Variants in ASH1L observed in about 807,000 individuals in gnomAD.
ASH1L encodes histone-lysine N-methyltransferase ASH1L.
A neutral mutation model predicts 269.0 loss-of-function variants in ASH1L; 23 were observed. The ratio of observed to expected loss-of-function variants is 0.09; its 90% CI spans 0.06 to 0.12. ASH1L has a LOEUF of 0.12. Ranked by LOEUF, ASH1L falls within the 10% of genes least tolerant of loss-of-function variation. The probability of loss-of-function intolerance (pLI) is 1.00; values close to 1 mark genes in which losing one functional copy is unlikely to be tolerated. For synonymous variants in ASH1L, 1,187 were observed against 1,253.5 expected, an observed-to-expected ratio of 0.95 and a Z score of 1.12; for missense variants, 2,912 against 3,567.8, an observed-to-expected ratio of 0.82 and a Z score of 4.68.
chr1:155,514,409 A>C (rs987141238), intron 2 of ASH1L, among the ~76,000 whole-genome samples: 1 of 152,244 alleles, frequency 6.6e-6, no homozygotes, highest in Admixed American at 6.5e-5. Flanking sequence ...ACTGGTGTAA[A>C]AGTAACTACA....
intron 4 of ASH1L, among the ~76,000 whole-genome samples, chr1:155,456,772 G>C (rs544548724): frequency 1.3e-5 from 2 of 152,224 alleles, no homozygotes; most frequent in Admixed American, 6.5e-5. Flanking sequence ...TATCTACTCT[G>C]TCTGCATGCA....
intron 6 of ASH1L, among the ~76,000 whole-genome samples, chr1:155,410,806 A>G (rs1167396925): frequency 6.8e-6 from 1 of 148,106 alleles, no homozygotes; most frequent in Non-Finnish European, 1.5e-5. Context: ...AGGTCTTGCT[A>G]TGTTGCCCAG....
chr1:155,494,004 A>C (rs754079970), intron 2 of ASH1L, among the ~76,000 whole-genome samples: 7 of 152,228 alleles, frequency 4.6e-5, no homozygotes, highest in Non-Finnish European at 8.8e-5. Context: ...GTAATGCATG[A>C]GCAAAGTAGA....
intron 5 of ASH1L, among the ~76,000 whole-genome samples, chr1:155,418,772 C>T (rs1360847019): frequency 2.6e-5 from 4 of 152,000 alleles, no homozygotes; most frequent in Admixed American, 1.3e-4. Flanking sequence ...ATGAAGAAAA[C>T]AAAAGAAGCT....
intron 7 of ASH1L, among the ~76,000 whole-genome samples, chr1:155,385,166 A>G (rs1657321663): frequency 6.6e-6 from 1 of 152,152 alleles, no homozygotes; most frequent in Admixed American, 6.6e-5. Flanking sequence ...ATTATTGGCC[A>G]GGTGCAGTGG....
chr1:155,555,331 T>C (rs544890384), intron 1 of ASH1L, among the ~76,000 whole-genome samples: 2 of 151,170 alleles, frequency 1.3e-5, no homozygotes, highest in South Asian at 4.2e-4. Context: ...ACCCGGTCTC[T>C]ACTAAAAACA....
chr1:155,358,696 A>T (rs1654652597), intron 13 of ASH1L: 1 of 151,804 alleles, frequency 6.6e-6, no homozygotes, highest in South Asian at 2.1e-4. Flanking sequence ...TCAAAAAAAA[A>T]TTAATAAAAA....
At position 155,420,898 on chromosome 1, in the gene ASH1L, CATGTCCATGG is replaced by C. The variant is rs1294590605; in HGVS notation, c.5829-4985_5829-4976del. On this transcript the variant is annotated intron_variant, in intron 5 of 27. Coordinates refer to ENST00000392403, the MANE Select transcript of ASH1L (RefSeq NM_018489.3). ...ACCTAAAATAAATGCAGTAACATAC[CATGTCCATGG>C]ATGTCCATGGAATTAAACACTGAAT... 1.1e-4 allele frequency among the ~76,000 whole-genome samples: 17 copies of C among 150,376 alleles called. No individual in the cohort carries two copies. In the South Asian group the frequency reaches 3.0e-3, roughly 26 times the overall value.
At chr1:155,509,112 A>G (rs1667997547) in intron 2 of ASH1L, among the ~76,000 whole-genome samples, 1 of 152,260 alleles carries the variant, frequency 6.6e-6, no homozygotes, top group Non-Finnish European at 1.5e-5. Context: ...TTAATAGGCA[A>G]AAGTACAGGG....
At chr1:155,455,246 T>A (rs1323228742) in intron 4 of ASH1L, among the ~76,000 whole-genome samples, 2 of 152,172 alleles carry the variant, frequency 1.3e-5, no homozygotes, top group African/African-American at 4.8e-5. Flanking sequence ...ATAGTTATCC[T>A]CATATTACAT....
chr1:155,433,357 G>A, intron 5 of ASH1L: 1 of 1,592,932 alleles, frequency 6.3e-7, no homozygotes, highest in Non-Finnish European at 8.5e-7. Context: ...AGGTGTGGGG[G>A]ATTCCCCCAT....
rs1464695755 is a variant in ASH1L at position 155,382,584 on chromosome 1, CATT to C, written c.6104-2471_6104-2469del. ...ATCCTTCAGGAGATATTCCAGAAGA[CATT>C]ATTACCATATCAGATGACAGCTCCA... On this transcript the variant is annotated intron_variant, in intron 7 of 27. Coordinates refer to ENST00000392403, the MANE Select transcript of ASH1L (RefSeq NM_018489.3). 2.0e-5 allele frequency among the ~76,000 whole-genome samples: 3 copies of C among 152,282 alleles called. No homozygotes were observed. The East Asian group carries it at 5.8e-4, about 29-fold the overall frequency.
In ASH1L at chr1:155,395,571, T is replaced by C. The variant is rs920749776; in HGVS notation, c.6009-18A>G. 1.1e-5 allele frequency: 18 copies of C among 1,591,094 alleles called. No individual in the cohort carries two copies. Among genetic ancestry groups the C allele is most frequent in the East Asian group, 2.3e-5 (1 of 44,374 alleles). On this transcript the variant is annotated intron_variant, in intron 6 of 27. Transcript: ENST00000392403. ...TCTTTGGGCTGTGATAAAAAAAGAA[T>C]GGGAAACAGTCAAGAGGCAAAGAAA... is the stretch of plus-strand genomic sequence containing the variant.
At chr1:155,443,238 T>TA (rs1662742982) in intron 4 of ASH1L, among the ~76,000 whole-genome samples, 1 of 152,208 alleles carries the variant, frequency 6.6e-6, no homozygotes, top group Admixed American at 6.5e-5. Flanking sequence ...AATATCAGTT[T>TA]AAAAGAGAAT....
intron 1 of ASH1L, among the ~76,000 whole-genome samples, chr1:155,543,992 T>C (rs1670625548): frequency 6.6e-6 from 1 of 152,116 alleles, no homozygotes. Context: ...TATTTTTTAT[T>C]TTTATTTTTT....
intron 5 of ASH1L, among the ~76,000 whole-genome samples, chr1:155,425,277 G>GT (rs550440576): frequency 0.022 from 2,883 of 129,250 alleles, 38 homozygotes; most frequent in Non-Finnish European, 0.031. Flanking sequence ...GCCCGGCCTA[G>GT]TTTTTTTTTT....
Position 155,380,108 on chromosome 1 carries a change from G to C in ASH1L, c.6112C>G (p.Leu2038Val). 6.2e-7 allele frequency: 1 copy of C among 1,611,864 alleles called. No homozygotes were observed. The highest frequency in any genetic ancestry group is 8.5e-7 in the Non-Finnish European group (1 of 1,178,372). Residue 2038 changes from leucine (L) to valine (V), a missense_variant, in exon 8 of 28, where the codon CTA becomes GTA. This residue lies in a region of ASH1L where 193 missense variants were observed against 311.6 expected (regional missense o/e 0.62). Transcript: ENST00000392403. ...TGGAAGTCAATTCTCTTTTGTCTTAGATACTTTCCTGAAACAAAAAACACT... is the reference window on the plus strand; with the variant it reads ...TGGAAGTCAATTCTCTTTTGTCTTACATACTTTCCTGAAACAAAAAACACT... ...FPAPIHVGKYLRQKRIDFQLP... is the reference protein window; with the variant it reads ...FPAPIHVGKYVRQKRIDFQLP...
intron 1 of ASH1L, among the ~76,000 whole-genome samples, chr1:155,537,040 T>A (rs917294923): frequency 6.8e-6 from 1 of 146,922 alleles, no homozygotes; most frequent in Non-Finnish European, 1.5e-5. Context: ...CAAGACTCTG[T>A]CTCAAAAAAA....
At chr1:155,363,682 CAG>C (rs1235991860) in intron 12 of ASH1L, among the ~76,000 whole-genome samples, 3 of 151,544 alleles carry the variant, frequency 2.0e-5, no homozygotes, top group East Asian at 1.9e-4. Flanking sequence ...TTTTTTGAGA[CAG>C]AGTCTTGATC....
Sources: gnomAD v4.1 joint callset for allele counts (sites outside exome capture counted in the v4.1 genomes callset) on GRCh38, gnomAD v4.1.1 for gene constraint, gnomAD v4.1.1 regional missense constraint, MANE v1.5 for transcripts, NCBI Gene and HGNC (gene_info 2026-07-23, HGNC 2026-07-21) for gene names.